The following PIK3AP1 variants were observed in gnomAD, a reference collection of about 807,000 sequenced individuals.
PIK3AP1 encodes the protein phosphoinositide 3-kinase adapter protein 1.
A neutral mutation model predicts 88.1 loss-of-function variants in PIK3AP1; 21 were observed. The ratio of observed to expected loss-of-function variants is 0.24; its 90% confidence interval spans 0.17 to 0.34. PIK3AP1 has a LOEUF of 0.34. Among genes scored for constraint, PIK3AP1 ranks in the 10% least tolerant of loss-of-function variants. The pLI, the probability that PIK3AP1 is intolerant of heterozygous loss-of-function variation, is 1.00. For missense variants in PIK3AP1, 828 were observed against 1,035.7 expected (o/e 0.80, Z 2.75); for synonymous variants, 398 against 400.0 (o/e 1.00, Z 0.06).
At chr10:96,620,288 C>A in intron 12 of PIK3AP1, 64 bp downstream of exon 12, 3 of 1,537,242 alleles carry the variant, frequency 2.0e-6, no homozygotes, top group Non-Finnish European at 2.7e-6. Flanking sequence ...AGCCATGGCC[C>A]AGCCCTCCTC....
intron 2 of PIK3AP1, among the ~76,000 whole-genome samples, chr10:96,700,432 T>A (rs1473952898): frequency 1.3e-5 from 2 of 152,214 alleles, no homozygotes; most frequent in Non-Finnish European, 2.9e-5. Context: ...CAACCCCTGA[T>A]TCCGCAAGGC....
intron 2 of PIK3AP1, among the ~76,000 whole-genome samples, chr10:96,684,368 C>T (rs867562365): frequency 1.1e-4 from 16 of 152,320 alleles, no homozygotes; most frequent in Middle Eastern, 6.8e-3. Flanking sequence ...GGTTTCCTCC[C>T]AGGTGCCAAC....
chr10:96,718,911 A>G (rs1844537174), intron 1 of PIK3AP1, among the ~76,000 whole-genome samples: 1 of 151,888 alleles, frequency 6.6e-6, no homozygotes, highest in African/African-American at 2.4e-5. Flanking sequence ...CGCACCACAT[A>G]CACTCATTGC....
At chr10:96,641,094 T>TGC (rs1274852498) in intron 8 of PIK3AP1, among the ~76,000 whole-genome samples, 1 of 98,832 alleles carries the variant, frequency 1.0e-5, no homozygotes, top group African/African-American at 2.8e-5. Context: ...GCCGTGTGTG[T>TGC]GTGTGTGTGT....
intron 8 of PIK3AP1, among the ~76,000 whole-genome samples, chr10:96,638,897 T>A (rs1843349085): frequency 6.6e-6 from 1 of 152,246 alleles, no homozygotes; most frequent in Admixed American, 6.5e-5. Flanking sequence ...GTTTACTGAC[T>A]CATCATCACC....
intron 8 of PIK3AP1, among the ~76,000 whole-genome samples, chr10:96,642,425 C>CAA (rs34912752): frequency 1.5e-4 from 15 of 98,958 alleles, no homozygotes; most frequent in South Asian, 3.3e-4. Context: ...GATGTTGTCT[C>CAA]AAAAAAAAAA....
At chr10:96,661,442 G>A (rs937067271) in intron 2 of PIK3AP1, among the ~76,000 whole-genome samples, 4 of 152,112 alleles carry the variant, frequency 2.6e-5, no homozygotes, top group East Asian at 1.9e-4. Flanking sequence ...TCTGGCCTTC[G>A]GGTGAGTGAT....
At chr10:96,677,038 G>A (rs1843932396) in intron 2 of PIK3AP1, among the ~76,000 whole-genome samples, 2 of 152,028 alleles carry the variant, frequency 1.3e-5, no homozygotes, top group South Asian at 4.1e-4. Flanking sequence ...ACAGCCTCCA[G>A]CAGGAGCACC....
At position 96,656,816 on chromosome 10, in the gene PIK3AP1, C is replaced by G. The variant is rs139678848; in HGVS notation, c.549G>C (p.Pro183=). 1.9e-6 allele frequency: 3 copies of G among 1,614,074 alleles called. No homozygotes were observed. The East Asian group carries it at 6.7e-5, about 36-fold the overall frequency. ...TSPGNLMVVQ[P]DRIRCGAETT... ...TGCCTACCCCACAGCGAATGCGGTC[C>G]GGCTGCACCACCATCAGGTTCCCAG... The change falls in exon 3 of 17, where the codon CCG becomes CCC. Residue 183 remains proline (P), a synonymous_variant. Transcript: ENST00000339364.
chr10:96,686,462 C>T (rs1301101217), intron 2 of PIK3AP1, among the ~76,000 whole-genome samples: 2 of 152,114 alleles, frequency 1.3e-5, no homozygotes, highest in Non-Finnish European at 2.9e-5. Flanking sequence ...CAAATGAGCT[C>T]CACAGGAGTC....
rs138924694 is a variant in PIK3AP1 at position 96,704,398 on chromosome 10, T to G, written c.430+5169A>C. On this transcript the variant is annotated intron_variant, in intron 2 of 16. Coordinates refer to ENST00000339364, the MANE Select transcript of PIK3AP1 (RefSeq NM_152309.3). ...CTCAGTGGTACCTGGACCAGCAGCATCAGCATCACCTGTGAGCTTGTTAGA... is the reference window on the plus strand; with the variant it reads ...CTCAGTGGTACCTGGACCAGCAGCAGCAGCATCACCTGTGAGCTTGTTAGA... 2.7e-4 allele frequency among the ~76,000 whole-genome samples: 41 copies of G among 152,306 alleles called. No homozygotes were observed. The East Asian group carries it at 7.7e-3, about 29-fold the overall frequency.
chr10:96,627,324 C>A (rs760672364), intron 9 of PIK3AP1, among the ~76,000 whole-genome samples: 8 of 152,224 alleles, frequency 5.3e-5, no homozygotes, highest in Non-Finnish European at 1.0e-4. Context: ...AGACTCCCCT[C>A]TCAGGGAAAC....
intron 13 of PIK3AP1, among the ~76,000 whole-genome samples, chr10:96,615,299 G>T (rs185420957): frequency 8.3e-4 from 126 of 152,038 alleles, no homozygotes; most frequent in Non-Finnish European, 1.6e-3. Context: ...TGGGACAGGA[G>T]CCCCTGGAAG....
At chr10:96,677,620 C>CAA (rs889560622) in intron 2 of PIK3AP1, among the ~76,000 whole-genome samples, 1 of 149,664 alleles carries the variant, frequency 6.7e-6, no homozygotes, top group African/African-American at 2.5e-5. Flanking sequence ...CACACACACA[C>CAA]ACACACAAAA....
chr10:96,661,056 G>A (rs1843679171), intron 2 of PIK3AP1, among the ~76,000 whole-genome samples: 1 of 152,086 alleles, frequency 6.6e-6, no homozygotes, highest in Admixed American at 6.6e-5. Flanking sequence ...ATGAGGCCGA[G>A]AGGCTAATAC....
chr10:96,596,761 T>G (rs925355181), intron 16 of PIK3AP1, among the ~76,000 whole-genome samples: 13 of 152,344 alleles, frequency 8.5e-5, no homozygotes, highest in African/African-American at 2.6e-4. Context: ...GTTCAAGGAT[T>G]ACAGATGGCA....
intron 1 of PIK3AP1, among the ~76,000 whole-genome samples, chr10:96,718,854 C>A (rs887110711): frequency 6.6e-6 from 1 of 152,144 alleles, no homozygotes; most frequent in African/African-American, 2.4e-5. Flanking sequence ...CCCTCTCCCC[C>A]ACAGCCCACC....
At chr10:96,644,266 C>T (rs1185640088) in intron 8 of PIK3AP1, among the ~76,000 whole-genome samples, 1 of 152,148 alleles carries the variant, frequency 6.6e-6, no homozygotes, top group Non-Finnish European at 1.5e-5. Flanking sequence ...TCATGTCCCT[C>T]GTGACTTTCA....
At chr10:96,616,516 G>T in intron 13 of PIK3AP1, 123 bp downstream of exon 13, 1 of 997,530 alleles carries the variant, frequency 1.0e-6, no homozygotes, top group Non-Finnish European at 1.6e-6. Context: ...ACCCAGATCT[G>T]TAAACAGTAT....
Sources: allele counts gnomAD v4.1 joint callset (sites outside exome capture counted in the v4.1 genomes callset), GRCh38; gene constraint gnomAD v4.1.1; transcripts MANE v1.5; gene names NCBI Gene and HGNC (gene_info 2026-07-23, HGNC 2026-07-21).